The following GABBR2 variants were observed in gnomAD, a reference collection of about 807,000 sequenced individuals.
GABBR2 encodes gamma-aminobutyric acid type B receptor subunit 2.
A neutral mutation model predicts 105.6 loss-of-function variants in GABBR2; 23 were observed. That is an observed-to-expected ratio of 0.22 (90% CI 0.16 to 0.31). The LOEUF (loss-of-function observed/expected upper bound fraction) is 0.31, where lower values mean the gene tolerates loss of function less well. Ranked by LOEUF, GABBR2 falls within the 10% of genes least tolerant of loss-of-function variation. GABBR2 has a pLI of 1.00. For missense variants in GABBR2, 734 were observed against 1,245.5 expected (o/e 0.59, Z 6.18); for synonymous variants, 478 against 499.7 (o/e 0.96, Z 0.58).
chr9:98,386,477 G>T (rs1050727984), intron 10 of GABBR2, among the ~76,000 whole-genome samples: 1 of 152,164 alleles, frequency 6.6e-6, no homozygotes, highest in Non-Finnish European at 1.5e-5. Context: ...ACCAGAGTCC[G>T]CAACCCACCC....
intron 6 of GABBR2, among the ~76,000 whole-genome samples, chr9:98,457,215 G>C (rs1826339678): frequency 6.6e-6 from 1 of 152,188 alleles, no homozygotes; most frequent in South Asian, 2.1e-4. Context: ...TTCGAGGGTT[G>C]GTGGTGTCCA....
chr9:98,524,287 C>T (rs1827918945), intron 3 of GABBR2, among the ~76,000 whole-genome samples: 1 of 152,084 alleles, frequency 6.6e-6, no homozygotes, highest in African/African-American at 2.4e-5. Flanking sequence ...GAAAGCTTTC[C>T]AACTCTTGTC....
chr9:98,676,758 CATA>C (rs1830483040), intron 1 of GABBR2, among the ~76,000 whole-genome samples: 1 of 152,180 alleles, frequency 6.6e-6, no homozygotes, highest in Non-Finnish European at 1.5e-5. Context: ...CTGGACCAGC[CATA>C]ATGTTGACTG....
At chr9:98,657,155 G>A (rs1830194894) in intron 1 of GABBR2, among the ~76,000 whole-genome samples, 1 of 152,216 alleles carries the variant, frequency 6.6e-6, no homozygotes, top group African/African-American at 2.4e-5. Context: ...CTGCAGAGGG[G>A]GAGGGCTCTC....
intron 7 of GABBR2, among the ~76,000 whole-genome samples, chr9:98,424,156 G>T (rs1315611492): frequency 2.0e-5 from 3 of 152,010 alleles, no homozygotes; most frequent in African/African-American, 7.3e-5. Context: ...TTCATCCCTG[G>T]GATGCAAGGC....
chr9:98,677,497 T>A (rs989881459), intron 1 of GABBR2, among the ~76,000 whole-genome samples: 2 of 152,246 alleles, frequency 1.3e-5, no homozygotes, highest in African/African-American at 4.8e-5. Context: ...TCTCTTTAGA[T>A]CTTGTTCATT....
chr9:98,641,594 A>T (rs1829963064), intron 1 of GABBR2, among the ~76,000 whole-genome samples: 1 of 152,188 alleles, frequency 6.6e-6, no homozygotes, highest in South Asian at 2.1e-4. Flanking sequence ...CATGTGGCAC[A>T]CAGTGCTGCT....
intron 6 of GABBR2, 118 bp downstream of exon 6, chr9:98,473,028 T>C: frequency 2.7e-6 from 2 of 737,328 alleles, no homozygotes; most frequent in Non-Finnish European, 4.6e-6. Context: ...CTCAGAGAGG[T>C]CAAGTGATTT....
Position 98,454,067 on chromosome 9 carries a change from G to A in GABBR2, c.1150C>T (p.Arg384Trp), listed in dbSNP as rs773210565. The change falls in exon 7 of 19, where the codon CGG becomes TGG. Residue 384 changes from arginine to tryptophan, a missense_variant. Around this residue, in one of 7 missense-constraint regions of GABBR2, gnomAD observed 370 missense variants for 648.9 expected, o/e 0.57. Coordinates refer to ENST00000259455, the MANE Select transcript of GABBR2 (RefSeq NM_005458.8). This position sits in a 1 kb window ranked among gnomAD's most constrained non-coding sequence, Gnocchi z 4.6. ...ETLHASSRHQ[R>W]IQDFNYTDHT... Reference sequence around the variant, plus strand: ...TCCGTGTAGTTGAAGTCCTGGATCCGCTGGTGCCGGCTGCTGGCATGCAGT... The same window carrying A: ...TCCGTGTAGTTGAAGTCCTGGATCCACTGGTGCCGGCTGCTGGCATGCAGT... 13 of 1,614,168 alleles carry A rather than the reference G, an allele frequency of 8.1e-6. No individual in the cohort carries two copies. Among genetic ancestry groups the A allele is most frequent in the Non-Finnish European group, 2.5e-6 (3 of 1,179,998 alleles).
chr9:98,557,364 C>T (rs1049714544), intron 2 of GABBR2, among the ~76,000 whole-genome samples: 3 of 152,168 alleles, frequency 2.0e-5, no homozygotes, highest in Non-Finnish European at 2.9e-5. Context: ...CAAACTGTCA[C>T]AGAATAAGCA....
chr9:98,623,778 A>C (rs1829700071), intron 1 of GABBR2, among the ~76,000 whole-genome samples: 1 of 152,214 alleles, frequency 6.6e-6, no homozygotes, highest in Non-Finnish European at 1.5e-5. Flanking sequence ...CCACCTGGAT[A>C]ATCCAGGATA....
At chr9:98,581,075 G>T (rs16917365) in intron 1 of GABBR2, 64,648 of 152,168 alleles carry the variant, frequency 0.42, 14,950 homozygotes, top group African/African-American at 0.62. Flanking sequence ...GCCTCGGGGA[G>T]CTCACCGATG....
chr9:98,700,840 C>T (rs1205605189), intron 1 of GABBR2, among the ~76,000 whole-genome samples: 1 of 152,194 alleles, frequency 6.6e-6, no homozygotes, highest in Admixed American at 6.5e-5. Flanking sequence ...TCCCCATCTT[C>T]CTGAAGCCTT....
At chr9:98,311,699 C>G (rs545476548) in intron 13 of GABBR2, among the ~76,000 whole-genome samples, 1 of 152,236 alleles carries the variant, frequency 6.6e-6, no homozygotes, top group Non-Finnish European at 1.5e-5. Flanking sequence ...CACAGCCCCA[C>G]TGCTGGAGCA....
At chr9:98,507,011 G>A (rs534915493) in intron 3 of GABBR2, among the ~76,000 whole-genome samples, 1 of 152,312 alleles carries the variant, frequency 6.6e-6, no homozygotes, top group South Asian at 2.1e-4. Flanking sequence ...TACTGTAGGG[G>A]AGAAACGCAC....
intron 7 of GABBR2, among the ~76,000 whole-genome samples, chr9:98,437,895 A>G (rs951214172): frequency 6.6e-5 from 10 of 150,524 alleles, no homozygotes; most frequent in African/African-American, 2.5e-4. Context: ...CTATCCATCC[A>G]TCCACCTACC....
At chr9:98,619,561 T>C (rs1019447955) in intron 1 of GABBR2, among the ~76,000 whole-genome samples, 17 of 152,224 alleles carry the variant, frequency 1.1e-4, no homozygotes, top group African/African-American at 3.9e-4. Context: ...GATTTTTCAA[T>C]ATTGATTTTT....
At chr9:98,502,600 C>T (rs1410215423) in intron 3 of GABBR2, among the ~76,000 whole-genome samples, 3 of 152,214 alleles carry the variant, frequency 2.0e-5, no homozygotes, top group South Asian at 4.1e-4. Context: ...CTGCTACCCA[C>T]AGGTAGGGCC....
At chr9:98,411,484 G>A (rs1832589807) in intron 7 of GABBR2, among the ~76,000 whole-genome samples, 1 of 152,204 alleles carries the variant, frequency 6.6e-6, no homozygotes, top group Non-Finnish European at 1.5e-5. Context: ...AGAATAGCCA[G>A]GGATGGGGCA....
Sources: gnomAD v4.1 joint callset for allele counts (sites outside exome capture counted in the v4.1 genomes callset) on GRCh38, gnomAD v4.1.1 for gene constraint, gnomAD v4.1.1 regional missense constraint, Gnocchi (gnomAD v3.1) non-coding constraint, MANE v1.5 for transcripts, NCBI Gene and HGNC (gene_info 2026-07-23, HGNC 2026-07-21) for gene names.